Variants in GFRAL observed in about 807,000 individuals in gnomAD.
GFRAL encodes GDNF family receptor alpha-like.
GFRAL carries 36 observed loss-of-function variants against 45.4 expected under a neutral mutation model. The ratio of observed to expected loss-of-function variants is 0.79; its 90% CI spans 0.61 to 1.05. The LOEUF is 1.05. Ranked by LOEUF, GFRAL falls within the 50% of genes least tolerant of loss-of-function variation. The pLI, the probability that GFRAL is intolerant of heterozygous loss-of-function variation, is 0.00. For missense variants in GFRAL, 507 were observed against 467.5 expected (o/e 1.08, Z -0.78); for synonymous variants, 166 against 154.1 (o/e 1.08, Z -0.57).
chr6:55,367,317 T>G (rs1403953472), intron 6 of GFRAL, among the ~76,000 whole-genome samples: 1 of 141,942 alleles, frequency 7.0e-6, no homozygotes, highest in Non-Finnish European at 1.5e-5. Flanking sequence ...CATCCTTTTA[T>G]TTTGAGCCTA....
intron 6 of GFRAL, among the ~76,000 whole-genome samples, chr6:55,395,872 G>A (rs2127366926): frequency 6.6e-6 from 1 of 151,726 alleles, no homozygotes; most frequent in African/African-American, 2.4e-5. Flanking sequence ...CCTAATGCAA[G>A]ATTGAAATTA....
At chr6:55,383,962 A>G (rs1463106360) in intron 6 of GFRAL, among the ~76,000 whole-genome samples, 1 of 152,034 alleles carries the variant, frequency 6.6e-6, no homozygotes, top group Admixed American at 6.6e-5. Flanking sequence ...TGTTAACTCC[A>G]TAAGGAGAAC....
At chr6:55,376,661 G>C (rs138128515) in intron 6 of GFRAL, among the ~76,000 whole-genome samples, 47 of 151,932 alleles carry the variant, frequency 3.1e-4, no homozygotes, top group African/African-American at 1.1e-3. Context: ...TGTAATGTTT[G>C]TTTGTATTTC....
chr6:55,336,865 T>C (rs1352132713), intron 3 of GFRAL, among the ~76,000 whole-genome samples: 1 of 152,156 alleles, frequency 6.6e-6, no homozygotes, highest in Non-Finnish European at 1.5e-5. Flanking sequence ...TTGCAGGTTC[T>C]CTTTATCAAG....
At chr6:55,400,153 TA>T (rs11295935) in intron 8 of GFRAL, among the ~76,000 whole-genome samples, 102,702 of 151,702 alleles carry the variant, frequency 0.68, 35,271 homozygotes, top group East Asian at 0.78. Context: ...TGCCTTTAAT[TA>T]AAAAAAACTC....
At chr6:55,364,794 C>G (rs1768335771) in intron 6 of GFRAL, among the ~76,000 whole-genome samples, 1 of 151,710 alleles carries the variant, frequency 6.6e-6, no homozygotes, top group African/African-American at 2.4e-5. Context: ...TTCCATTGAT[C>G]TATATCTCTG....
chr6:55,395,175 A>AAAAAATATATATATATATATATAT, intron 6 of GFRAL, among the ~76,000 whole-genome samples: 8 of 123,508 alleles, frequency 6.5e-5, no homozygotes, highest in African/African-American at 2.4e-4. Flanking sequence ...AAAAAAAAAA[A>AAAAAATATATATATATATATATAT]ATATATATAT....
chr6:55,397,238 G>GGCTGCTGCTTTCTGA (rs1768837848), intron 6 of GFRAL, among the ~76,000 whole-genome samples: 5 of 139,636 alleles, frequency 3.6e-5, no homozygotes, highest in Admixed American at 1.4e-4. Flanking sequence ...AAAAATGCCG[G>GGCTGCTGCTTTCTGA]CCGGGCGCGG....
At chr6:55,360,744 G>A (rs1768263666) in intron 6 of GFRAL, among the ~76,000 whole-genome samples, 1 of 151,686 alleles carries the variant, frequency 6.6e-6, no homozygotes, top group African/African-American at 2.4e-5. Flanking sequence ...TATAATGAAT[G>A]GCTCATATGA....
At chr6:55,394,578 AT>A (rs1290190859) in intron 6 of GFRAL, among the ~76,000 whole-genome samples, 1 of 152,192 alleles carries the variant, frequency 6.6e-6, no homozygotes, top group African/African-American at 2.4e-5. Flanking sequence ...ATTTCAAGAC[AT>A]TTGGCTATTG....
At position 55,340,791 on chromosome 6, in the gene GFRAL, G is replaced by A. The variant is rs371648823; in HGVS notation, c.316+6847G>A. 1.4e-4 allele frequency among the ~76,000 whole-genome samples: 21 copies of A among 152,300 alleles called. No homozygotes were observed. In the East Asian group the frequency reaches 3.1e-3, roughly 22 times the overall value. On this transcript the variant is annotated intron_variant, in intron 3 of 8. Coordinates refer to ENST00000340465, the MANE Select transcript of GFRAL (RefSeq NM_207410.2). ...TTTACTAGCCAAGGGAAGTGGTGAC[G>A]GATGGCACCTGGAAAATCGGGTCAC... is the stretch of plus-strand genomic sequence containing the variant.
chr6:55,344,304 A>G (rs994758527), intron 3 of GFRAL, among the ~76,000 whole-genome samples: 2 of 152,182 alleles, frequency 1.3e-5, no homozygotes, highest in South Asian at 4.1e-4. Flanking sequence ...ATACTGGCAA[A>G]CCGAATCCAG....
chr6:55,334,670 C>T (rs1445963807), intron 3 of GFRAL, among the ~76,000 whole-genome samples: 2 of 111,574 alleles, frequency 1.8e-5, no homozygotes, highest in African/African-American at 6.7e-5. Context: ...TACCTCTCAT[C>T]TACACGGAAT....
chr6:55,355,111 A>G (rs1768170753), intron 5 of GFRAL, among the ~76,000 whole-genome samples: 1 of 152,018 alleles, frequency 6.6e-6, no homozygotes, highest in East Asian at 1.9e-4. Context: ...TTTAAAACAG[A>G]TGACATCATA....
At chr6:55,385,399 G>A (rs62419123) in intron 6 of GFRAL, among the ~76,000 whole-genome samples, 14,987 of 152,020 alleles carry the variant, frequency 0.099, 772 homozygotes, top group South Asian at 0.13. Context: ...TCGTTTGCTC[G>A]AGCTGCTGAG....
At chr6:55,355,318 C>T (rs75474300) in intron 5 of GFRAL, among the ~76,000 whole-genome samples, 2,734 of 151,660 alleles carry the variant, frequency 0.018, 81 homozygotes, top group African/African-American at 0.062. Context: ...TAAACCTGCA[C>T]GTTCTGCACA....
intron 6 of GFRAL, among the ~76,000 whole-genome samples, chr6:55,373,639 A>G (rs2127361293): frequency 6.6e-6 from 1 of 152,278 alleles, no homozygotes; most frequent in African/African-American, 2.4e-5. Context: ...AGACTGTGTA[A>G]TAAGGTAATA....
intron 4 of GFRAL, 39 bp from the exon 5 acceptor site, chr6:55,351,214 G>C (rs1375380091): frequency 4.3e-6 from 6 of 1,405,378 alleles, no homozygotes; most frequent in Non-Finnish European, 3.9e-6. Context: ...ACAGCTTTGT[G>C]TTTACTTTTC....
At chr6:55,367,802 A>G (rs992740418) in intron 6 of GFRAL, among the ~76,000 whole-genome samples, 18 of 152,126 alleles carry the variant, frequency 1.2e-4, no homozygotes, top group Admixed American at 5.9e-4. Context: ...GGTTTCTGCC[A>G]AGAGATCCGC....
Sources: allele counts gnomAD v4.1 joint callset (sites outside exome capture counted in the v4.1 genomes callset), GRCh38; gene constraint gnomAD v4.1.1; transcripts MANE v1.5; gene names NCBI Gene and HGNC (gene_info 2026-07-23, HGNC 2026-07-21).